Variants in KAZN observed in about 807,000 individuals in gnomAD.
The protein encoded by KAZN is kazrin, periplakin interacting protein.
In KAZN, 40 loss-of-function variants were observed where a neutral mutation model predicts 87.4. That is an observed-to-expected ratio of 0.46 (90% CI 0.36 to 0.60). The LOEUF (loss-of-function observed/expected upper bound fraction) is 0.60, where lower values mean the gene tolerates loss of function less well. Among genes scored for constraint, KAZN ranks in the 20% least tolerant of loss-of-function variants. The pLI, the probability that KAZN is intolerant of heterozygous loss-of-function variation, is 0.00. For synonymous variants in KAZN, 466 were observed against 458.3 expected (o/e 1.02, Z -0.22); for missense variants, 898 against 1,073.9 (o/e 0.84, Z 2.29).
intron 2 of KAZN, among the ~76,000 whole-genome samples, chr1:14,358,364 A>AG (rs983697844): frequency 1.5e-4 from 22 of 151,272 alleles, no homozygotes; most frequent in Non-Finnish European, 2.4e-4. Context: ...TCTTTTAAAA[A>AG]AAAAAACCAG....
chr1:14,335,746 C>T lies in KAZN; in HGVS notation c.249+155154C>T, dbSNP rs72867357. 3.5e-3 allele frequency among the ~76,000 whole-genome samples: 529 copies of T among 151,138 alleles called. 2 individuals carry two copies. Among genetic ancestry groups the T allele is most frequent in the African/African-American group, 0.011 (443 of 40,616 alleles). The stretch of plus-strand genomic sequence containing the variant: ...AGACTAATATAGGCGTGCATGTGCG[C>T]GCACACACACACACAGAGAGAGAGA... On this transcript the variant is annotated intron_variant, in intron 2 of 16. Transcript: ENST00000636203.
At chr1:14,833,357 A>T (rs1647108207) in intron 1 of KAZN, among the ~76,000 whole-genome samples, 1 of 152,182 alleles carries the variant, frequency 6.6e-6, no homozygotes, top group Non-Finnish European at 1.5e-5. Flanking sequence ...CTTGACCTTT[A>T]TGCAGGAGGG....
Position 14,131,128 on chromosome 1 carries a change from G to A in KAZN, c.92-49307G>A, listed in dbSNP as rs550634372. 4.6e-5 allele frequency among the ~76,000 whole-genome samples: 7 copies of A among 152,206 alleles called. 1 individual carries two copies. The highest frequency in any genetic ancestry group is 4.2e-4 in the South Asian group (2 of 4,808). ...AGCAGGAGAGGGAGAGAGTGAAGGC[G>A]GAAGAGCTGTACACTTTCAAACAGC... On this transcript the variant is annotated intron_variant, in intron 1 of 16. Transcript: ENST00000636203.
At chr1:14,113,791 G>C (rs186339057) in intron 1 of KAZN, among the ~76,000 whole-genome samples, 14 of 152,280 alleles carry the variant, frequency 9.2e-5, no homozygotes, top group Admixed American at 8.5e-4. Context: ...TGTTCTATGA[G>C]GATTTACATG....
chr1:14,407,587 G>A (rs754514131), intron 2 of KAZN, among the ~76,000 whole-genome samples: 4 of 152,168 alleles, frequency 2.6e-5, no homozygotes, highest in Non-Finnish European at 4.4e-5. Flanking sequence ...GCCTCTCCCT[G>A]TCCACAACCT....
intron 4 of KAZN, among the ~76,000 whole-genome samples, chr1:15,048,147 C>G (rs1673785456): frequency 6.6e-6 from 1 of 152,252 alleles, no homozygotes; most frequent in Non-Finnish European, 1.5e-5. Flanking sequence ...GTCCCTCCCC[C>G]CATGTCCTGA....
intron 1 of KAZN, among the ~76,000 whole-genome samples, chr1:14,724,274 A>T (rs893377247): frequency 6.6e-6 from 1 of 152,198 alleles, no homozygotes; most frequent in Non-Finnish European, 1.5e-5. Flanking sequence ...ACTGGCAGTG[A>T]ATCTGCCACA....
rs548125793 is a variant in KAZN, at chr1:14,060,469, T to C, written c.92-119966T>C. ...GTTCTAGAATAGTTTCCCATAATGA[T>C]AAAGATGTCATTTAGGAATCATGTT... On this transcript the variant is annotated intron_variant, in intron 1 of 16. Coordinates refer to the KAZN transcript ENST00000636203. Among the ~76,000 whole-genome samples, 31 of 152,014 alleles carry C rather than the reference T, an allele frequency of 2.0e-4. 1 individual carries two copies. The highest frequency in any genetic ancestry group is 6.8e-4 in the African/African-American group (28 of 41,472).
chr1:14,270,528 G>A (rs1651835708), intron 2 of KAZN, among the ~76,000 whole-genome samples: 1 of 152,190 alleles, frequency 6.6e-6, no homozygotes, highest in Non-Finnish European at 1.5e-5. Flanking sequence ...AGGATTGAAT[G>A]ACATAATGAA....
chr1:14,262,359 A>G (rs1297318290), intron 2 of KAZN, among the ~76,000 whole-genome samples: 1 of 152,224 alleles, frequency 6.6e-6, no homozygotes, highest in Non-Finnish European at 1.5e-5. Flanking sequence ...GTAAAAGCAC[A>G]TTCTGTAGAT....
intron 2 of KAZN, among the ~76,000 whole-genome samples, chr1:14,576,801 A>G (rs1168654527): frequency 6.7e-6 from 1 of 150,074 alleles, no homozygotes; most frequent in Non-Finnish European, 1.5e-5. Flanking sequence ...ACCAAAAAAA[A>G]AGGAAAAAAA....
At chr1:14,573,503 C>G (rs571713376) in intron 2 of KAZN, among the ~76,000 whole-genome samples, 1 of 151,978 alleles carries the variant, frequency 6.6e-6, no homozygotes, top group African/African-American at 2.4e-5. Flanking sequence ...AAAAATTAGC[C>G]GGGGATGGTG....
intron 1 of KAZN, among the ~76,000 whole-genome samples, chr1:13,896,240 G>C (rs556564347): frequency 3.0e-4 from 45 of 152,246 alleles, no homozygotes; most frequent in Non-Finnish European, 3.2e-4. Context: ...TGGCTCTACC[G>C]TTGTAGCATG....
intron 1 of KAZN, among the ~76,000 whole-genome samples, chr1:14,063,012 A>G (rs185212255): frequency 6.6e-6 from 1 of 152,352 alleles, no homozygotes; most frequent in East Asian, 1.9e-4. Flanking sequence ...AGCAAATTCA[A>G]TATACACATA....
intron 1 of KAZN, among the ~76,000 whole-genome samples, chr1:14,666,879 G>T (rs1166322177): frequency 1.3e-5 from 2 of 152,136 alleles, no homozygotes; most frequent in Non-Finnish European, 2.9e-5. Context: ...GGGACTACAG[G>T]CGTGCGCCAC....
intron 3 of KAZN, among the ~76,000 whole-genome samples, chr1:15,039,326 G>A (rs1672669963): frequency 6.6e-6 from 1 of 152,200 alleles, no homozygotes; most frequent in Non-Finnish European, 1.5e-5. Context: ...AAACCCAGGA[G>A]GTCTAGTCCC....
At chr1:14,788,128 T>G (rs1402175510) in intron 1 of KAZN, among the ~76,000 whole-genome samples, 1 of 152,200 alleles carries the variant, frequency 6.6e-6, no homozygotes, top group African/African-American at 2.4e-5. Context: ...CACAGGGCAC[T>G]TCTAAGCATG....
intron 2 of KAZN, among the ~76,000 whole-genome samples, chr1:14,537,299 G>A (rs1672561644): frequency 6.6e-6 from 1 of 152,176 alleles, no homozygotes; most frequent in Non-Finnish European, 1.5e-5. Flanking sequence ...GAGCAATGAT[G>A]GAAACGTTCT....
intron 1 of KAZN, among the ~76,000 whole-genome samples, chr1:13,996,117 G>A (rs1639504545): frequency 6.6e-6 from 1 of 152,120 alleles, no homozygotes; most frequent in Admixed American, 6.5e-5. Context: ...CGGGGCAGGG[G>A]AACCCTCAAC....
Sources: gnomAD v4.1 joint callset for allele counts (sites outside exome capture counted in the v4.1 genomes callset) on GRCh38, gnomAD v4.1.1 for gene constraint, MANE v1.5 for transcripts, NCBI Gene and HGNC (gene_info 2026-07-23, HGNC 2026-07-21) for gene names.